The following ADARB2 variants were observed in gnomAD, a reference collection of about 807,000 sequenced individuals.
ADARB2 encodes the protein inactive double-stranded RNA-specific editase B2.
A neutral mutation model predicts 62.2 loss-of-function variants in ADARB2; 25 were observed. That is an observed-to-expected ratio of 0.40 (90% CI 0.29 to 0.56). ADARB2 has a LOEUF of 0.56. ADARB2 is among the 20% of genes least tolerant of loss of function. The pLI, the probability that ADARB2 is intolerant of heterozygous loss-of-function variation, is 0.43. For missense variants in ADARB2, 1,071 were observed against 1,077.4 expected, an observed-to-expected ratio of 0.99 and a Z score of 0.08; for synonymous variants, 572 against 500.8, an observed-to-expected ratio of 1.14 and a Z score of -1.90.
intron 1 of ADARB2, among the ~76,000 whole-genome samples, chr10:1,506,836 C>A (rs930689976): frequency 6.6e-6 from 1 of 152,150 alleles, no homozygotes; most frequent in Non-Finnish European, 1.5e-5. Flanking sequence ...GGGGTGGGGC[C>A]CGGTGATGGG....
intron 6 of ADARB2, among the ~76,000 whole-genome samples, chr10:1,232,525 ATG>A (rs1488823319): frequency 5.0e-4 from 73 of 147,042 alleles, no homozygotes; most frequent in African/African-American, 1.8e-3. Context: ...GCTGTGTGTG[ATG>A]TGTGGTATAT....
At chr10:1,622,192 C>T (rs576653080) in intron 1 of ADARB2, among the ~76,000 whole-genome samples, 34 of 152,228 alleles carry the variant, frequency 2.2e-4, no homozygotes, top group Non-Finnish European at 3.8e-4. Flanking sequence ...ATACACAAAA[C>T]GCACAATGAA....
chr10:1,310,283 A>G, intron 3 of ADARB2, among the ~76,000 whole-genome samples: 1 of 152,218 alleles, frequency 6.6e-6, no homozygotes, highest in East Asian at 1.9e-4. Flanking sequence ...CCCAGATGTT[A>G]AAATATTCAC....
intron 1 of ADARB2, among the ~76,000 whole-genome samples, chr10:1,420,340 G>GGT (rs1832841393): frequency 6.6e-6 from 1 of 152,210 alleles, no homozygotes. Context: ...ACAGATATGT[G>GGT]GTGGGGGATT....
chr10:1,438,003 C>G (rs763992187), intron 1 of ADARB2, among the ~76,000 whole-genome samples: 1 of 152,234 alleles, frequency 6.6e-6, no homozygotes, highest in Non-Finnish European at 1.5e-5. Context: ...AGAACCGCTT[C>G]GTCCCCTTCC....
At chr10:1,686,168 C>T (rs1232352702) in intron 1 of ADARB2, among the ~76,000 whole-genome samples, 1 of 152,204 alleles carries the variant, frequency 6.6e-6, no homozygotes, top group African/African-American at 2.4e-5. Context: ...CCCATGGAGG[C>T]TGGTTAGGGG....
At chr10:1,516,670 G>A (rs781161327) in intron 1 of ADARB2, among the ~76,000 whole-genome samples, 4 of 152,274 alleles carry the variant, frequency 2.6e-5, no homozygotes, top group South Asian at 2.1e-4. Context: ...CATTTTCCTC[G>A]AGCTGCATGC....
chr10:1,290,024 T>C (rs1266220236), intron 3 of ADARB2: 2 of 152,274 alleles, frequency 1.3e-5, no homozygotes, highest in East Asian at 3.8e-4. Flanking sequence ...TCTTGTGTTG[T>C]TAGCATGTTT....
chr10:1,663,374 G>GGCTGCTACAGAGC (rs930060690), intron 1 of ADARB2, among the ~76,000 whole-genome samples: 3 of 152,156 alleles, frequency 2.0e-5, no homozygotes, highest in African/African-American at 2.4e-5. Context: ...TCCCCGCCGT[G>GGCTGCTACAGAGC]GCTGCTACAG....
At chr10:1,731,007 G>A (rs563168193) in intron 1 of ADARB2, among the ~76,000 whole-genome samples, 151 of 152,326 alleles carry the variant, frequency 9.9e-4, no homozygotes, top group Admixed American at 1.6e-3. Context: ...AATATCCACA[G>A]TGCATATGGA....
chr10:1,600,695 T>C (rs1236674105), intron 1 of ADARB2, among the ~76,000 whole-genome samples: 2 of 150,540 alleles, frequency 1.3e-5, no homozygotes, highest in African/African-American at 4.9e-5. Flanking sequence ...GATTCAGTGT[T>C]ACCAGAAAGG....
At chr10:1,349,243 TGCCA>T (rs1832111151) in intron 3 of ADARB2, among the ~76,000 whole-genome samples, 1 of 152,106 alleles carries the variant, frequency 6.6e-6, no homozygotes, top group Non-Finnish European at 1.5e-5. Context: ...CACCCCTGCC[TGCCA>T]GAGAACAACC....
At chr10:1,344,636 T>C (rs1672883107) in intron 3 of ADARB2, among the ~76,000 whole-genome samples, 1 of 152,164 alleles carries the variant, frequency 6.6e-6, no homozygotes. Flanking sequence ...CCCCATGCCT[T>C]TCACAGACTG....
intron 1 of ADARB2, among the ~76,000 whole-genome samples, chr10:1,549,597 A>G (rs1012322934): frequency 2.6e-5 from 4 of 151,950 alleles, no homozygotes; most frequent in Admixed American, 6.5e-5. Flanking sequence ...AACAGTTTAA[A>G]TAAGAGGCGA....
At chr10:1,188,235 C>T (rs1836789814) in intron 8 of ADARB2, 1 of 152,310 alleles carries the variant, frequency 6.6e-6, no homozygotes, top group Admixed American at 6.5e-5. Flanking sequence ...TTGGAGCACC[C>T]AGGCTATGAA....
chr10:1,586,744 A>T (rs559595041), intron 1 of ADARB2, among the ~76,000 whole-genome samples: 1 of 152,238 alleles, frequency 6.6e-6, no homozygotes, highest in African/African-American at 2.4e-5. Flanking sequence ...GTGGAAAAAC[A>T]TTCTCATTAC....
intron 1 of ADARB2, among the ~76,000 whole-genome samples, chr10:1,543,570 C>A (rs1247585772): frequency 6.6e-6 from 1 of 152,190 alleles, no homozygotes; most frequent in Non-Finnish European, 1.5e-5. Flanking sequence ...GAGCTATTGG[C>A]GTCTCCCACA....
At chr10:1,647,223 G>A (rs143323831) in intron 1 of ADARB2, among the ~76,000 whole-genome samples, 242 of 152,340 alleles carry the variant, frequency 1.6e-3, no homozygotes, top group Middle Eastern at 3.4e-3. Context: ...AAGTGCTTTA[G>A]AGTTCTTTGT....
chr10:1,484,919 C>G (rs1831521911), intron 1 of ADARB2, among the ~76,000 whole-genome samples: 2 of 151,578 alleles, frequency 1.3e-5, no homozygotes, highest in African/African-American at 2.4e-5. Flanking sequence ...GGTAGGTGTG[C>G]AGGTATCTAT....
Sources: allele counts gnomAD v4.1 joint callset (sites outside exome capture counted in the v4.1 genomes callset), GRCh38; gene constraint gnomAD v4.1.1; transcripts MANE v1.5; gene names NCBI Gene and HGNC (gene_info 2026-07-23, HGNC 2026-07-21).